The following UNC45B variants were observed in gnomAD, a reference collection of about 807,000 sequenced individuals.
UNC45B encodes protein unc-45 homolog B.
In UNC45B, 78 loss-of-function variants were observed where a neutral mutation model predicts 98.7. That is an observed-to-expected ratio of 0.79 (90% CI 0.66 to 0.95). UNC45B has a LOEUF of 0.95. Among genes scored for constraint, UNC45B ranks in the 40% least tolerant of loss-of-function variants. The pLI is 0.00. For synonymous variants in UNC45B, 462 were observed against 480.4 expected (o/e 0.96, Z 0.50); for missense variants, 1,225 against 1,184.9 (o/e 1.03, Z -0.50).
intron 14 of UNC45B, among the ~76,000 whole-genome samples, chr17:35,175,012 A>G (rs1322736083): frequency 6.9e-6 from 1 of 145,602 alleles, no homozygotes; most frequent in African/African-American, 2.6e-5. Flanking sequence ...GAAGAAAGAA[A>G]GGAGGGAAGG....
At chr17:35,181,562 G>A (rs1476325283) in intron 18 of UNC45B, among the ~76,000 whole-genome samples, 1 of 152,152 alleles carries the variant, frequency 6.6e-6, no homozygotes, top group Non-Finnish European at 1.5e-5. Flanking sequence ...AGGCTGAGGT[G>A]GATGCGTCAC....
intron 8 of UNC45B, among the ~76,000 whole-genome samples, chr17:35,161,736 C>A (rs1264740798): frequency 6.6e-6 from 1 of 152,140 alleles, no homozygotes; most frequent in Non-Finnish European, 1.5e-5. Flanking sequence ...CCCTAGATAA[C>A]CTCAGAATGT....
At chr17:35,183,613 TGGGTGG>T in intron 19 of UNC45B, 31 bp downstream of exon 19, 2 of 1,476,050 alleles carry the variant, frequency 1.4e-6, no homozygotes, top group Non-Finnish European at 1.8e-6. Context: ...TAGGACGGGC[TGGGTGG>T]CTCCAGGGAA....
Position 35,154,574 on chromosome 17 carries a change from G to C in UNC45B, c.472G>C (p.Ala158Pro). The C allele has an allele frequency of 6.2e-7, 1 of 1,612,268 alleles. No individual in the cohort carries two copies. The highest frequency in any genetic ancestry group is 8.5e-7 in the Non-Finnish European group (1 of 1,179,350). The change falls in exon 6 of 20, where the codon GCT (alanine) becomes CCT (proline). Residue 158 changes from alanine to proline, a missense_variant and splice_region_variant. Transcript: ENST00000394570. ...ENSEADKREK[A>P]ANNLIVLGRE... is the part of the protein sequence containing the mutation. Reference sequence around the variant, plus strand: ...CCCTTATTGCCTCTTCCTCCTTCAGGCTGCCAACAATCTCATTGTCCTAGG... The same window carrying C: ...CCCTTATTGCCTCTTCCTCCTTCAGCCTGCCAACAATCTCATTGTCCTAGG...
chr17:35,170,729 G>A (rs950627656), intron 12 of UNC45B, among the ~76,000 whole-genome samples: 3 of 152,014 alleles, frequency 2.0e-5, no homozygotes, highest in Non-Finnish European at 2.9e-5. Flanking sequence ...CCAGCTACTC[G>A]GGAGGCTGAG....
In UNC45B at chr17:35,189,311, A is replaced by T. The variant is rs1231488305; in HGVS notation, c.*2752A>T. On this transcript the variant is annotated 3_prime_UTR_variant, in exon 20 of 20. Coordinates refer to ENST00000394570, the MANE Select transcript of UNC45B (RefSeq NM_001267052.2). ...GACTCTTAGTCTTCTCATTTGTGAAAGGTAAATAATAAAGAATTTCTGTTC... is the reference window on the plus strand; with the variant it reads ...GACTCTTAGTCTTCTCATTTGTGAATGGTAAATAATAAAGAATTTCTGTTC... 6.6e-6 allele frequency: 1 copy of T among 152,204 alleles called. No individual in the cohort carries two copies. Among genetic ancestry groups the T allele is most frequent in the African/African-American group, 2.4e-5 (1 of 41,446 alleles). The allele number at this position is 152,204 out of a possible 1,614,324, so 9.4% of individuals were successfully genotyped here.
intron 10 of UNC45B, among the ~76,000 whole-genome samples, chr17:35,168,583 G>A (rs1252099811): frequency 6.6e-6 from 1 of 152,134 alleles, no homozygotes; most frequent in Non-Finnish European, 1.5e-5. Context: ...GAGGACGTTC[G>A]TCTCCCTGCT....
chr17:35,163,955 C>A lies in UNC45B; in HGVS notation c.980-40C>A, dbSNP rs200248455. 4 of 1,559,452 alleles carry A rather than the reference C, an allele frequency of 2.6e-6. No homozygotes were observed. In the South Asian group the frequency reaches 4.9e-5, roughly 19 times the overall value. On this transcript the variant is annotated intron_variant, in intron 8 of 19. Coordinates refer to ENST00000394570, the MANE Select transcript of UNC45B (RefSeq NM_001267052.2). Reference sequence around the variant, plus strand: ...GTGAGGGGTGTGTGTGAGGATGGAGCCCAGCAGGAATCTTAGGCTTGCCAC... The same window carrying A: ...GTGAGGGGTGTGTGTGAGGATGGAGACCAGCAGGAATCTTAGGCTTGCCAC...
In UNC45B at chr17:35,155,312, A is replaced by C. The variant is rs2092051462; in HGVS notation, c.656A>C (p.His219Pro). 2 of 1,614,082 alleles carry C rather than the reference A, an allele frequency of 1.2e-6. No individual in the cohort carries two copies. The highest frequency in any genetic ancestry group is 1.3e-5 in the African/African-American group (1 of 75,068). ...GHQARATVIL[H>P]AVRIDRICSL... ...GGGTTCTAGGCCACAGTGATTCTGC[A>C]TGCAGTGCGGATAGACCGAATCTGT... Residue 219 changes from histidine to proline, a missense_variant, in exon 7 of 20, where the codon CAT becomes CCT. Coordinates refer to ENST00000394570, the MANE Select transcript of UNC45B (RefSeq NM_001267052.2).
intron 17 of UNC45B, among the ~76,000 whole-genome samples, chr17:35,180,286 G>GAGAGAGAGAGAGAGAGAC (rs943283439): frequency 6.8e-6 from 1 of 147,140 alleles, no homozygotes; most frequent in African/African-American, 2.5e-5. Flanking sequence ...GAGAGAGAGA[G>GAGAGAGAGAGAGAGAGAC]AGAATTTCTT....
At chr17:35,149,932 T>A (rs2092004206) in intron 3 of UNC45B, 116 bp from the exon 4 acceptor site, 2 of 1,111,718 alleles carry the variant, frequency 1.8e-6, no homozygotes, top group South Asian at 1.8e-5. Context: ...GGATGGATAA[T>A]CTCCAAGGAA....
chr17:35,164,867 C>T (rs2092127076), intron 9 of UNC45B, among the ~76,000 whole-genome samples: 1 of 151,578 alleles, frequency 6.6e-6, no homozygotes. Context: ...GGACTACAGG[C>T]ACTTGCCACC....
rs749297937 is a variant in UNC45B at position 35,186,461 on chromosome 17, A to G, written c.2692A>G (p.Lys898Glu). 3 of 1,614,254 alleles carry G rather than the reference A, an allele frequency of 1.9e-6. No homozygotes were observed. In the Admixed American group the frequency reaches 5.0e-5, roughly 27 times the overall value. ...ELLEILTVVG[K>E]QEPDEKKAEV... ...GCTGGAGATCCTGACTGTGGTGGGC[A>G]AACAGGAGCCAGATGAGAAGAAGGC... Residue 898 changes from lysine to glutamate, a missense_variant, in exon 20 of 20, where the codon AAA becomes GAA. By Grantham distance (56) the Lys-to-Glu change is moderately conservative. Transcript: ENST00000394570.
intron 10 of UNC45B, 112 bp downstream of exon 10, chr17:35,168,473 G>A: frequency 2.1e-6 from 2 of 955,212 alleles, no homozygotes; most frequent in Non-Finnish European, 2.8e-6. Context: ...CAGGTTCAAG[G>A]GGGCACCAGA....
At position 35,186,004 on chromosome 17, in the gene UNC45B, A is replaced by T. The variant is rs922667; in HGVS notation, c.2530-295A>T. ...AGGTCTTGTGCTGTGTCATAGCATG[A>T]TTTAGAAGCAGAAGGGGAAGTGTGT... On this transcript the variant is annotated intron_variant, in intron 19 of 19. Coordinates refer to ENST00000394570, the MANE Select transcript of UNC45B (RefSeq NM_001267052.2). 0.092 allele frequency among the ~76,000 whole-genome samples: 14,026 copies of T among 152,128 alleles called. 812 individuals are homozygous for T. The highest frequency in any genetic ancestry group is 0.21 in the East Asian group (1,072 of 5,156).
At chr17:35,170,443 C>G (rs902762609) in intron 12 of UNC45B, among the ~76,000 whole-genome samples, 188 bp downstream of exon 12, 1 of 150,700 alleles carries the variant, frequency 6.6e-6, no homozygotes. Context: ...ACTCCCAATG[C>G]CTTCCAGAGA....
Position 35,158,235 on chromosome 17 carries a change from C to A in UNC45B, c.809-1140C>A, listed in dbSNP as rs555798718. On this transcript the variant is annotated intron_variant, in intron 7 of 19. Coordinates refer to ENST00000394570, the MANE Select transcript of UNC45B (RefSeq NM_001267052.2). The stretch of plus-strand genomic sequence containing the variant: ...ATTATAATGGTCAGCTAGTCACTTT[C>A]CTTTTCTGAGCTAGAATTTTTGGAA... Among the ~76,000 whole-genome samples, 5 of 152,280 alleles carry A rather than the reference C, an allele frequency of 3.3e-5. No homozygotes were observed. In the East Asian group the frequency reaches 7.7e-4, roughly 23 times the overall value.
At position 35,176,925 on chromosome 17, in the gene UNC45B, C is replaced by A. The variant is rs1309828370; in HGVS notation, c.2026-92C>A. 9.3e-6 allele frequency: 9 copies of A among 970,198 alleles called. 1 individual carries two copies. The highest frequency in any genetic ancestry group is 1.3e-5 in the Non-Finnish European group (8 of 627,680). 60.1% of individuals were successfully genotyped at this position (970,198 alleles called of 1,614,324 possible). On this transcript the variant is annotated intron_variant, in intron 15 of 19. Transcript: ENST00000394570. ...TACGGCAGAATTTTCCTGGACCTCC[C>A]ATGGGACAGACAGACAGCACCTGGA...
In UNC45B at chr17:35,170,151, C is replaced by G; in HGVS notation, c.1585C>G (p.Arg529Gly). Residue 529 changes from arginine to glycine, a missense_variant, in exon 12 of 20, where the codon CGC becomes GGC. By Grantham distance (125) the Arg-to-Gly change is moderately radical. Transcript: ENST00000394570. ...TATGTCCATAGACACTCGGACCCGA[C>G]GCTGGGCAGTGGAGGGCCTGGCCTA... ...CNMSIDTRTR[R>G]WAVEGLAYLT... 7 of 1,613,626 alleles carry G rather than the reference C, an allele frequency of 4.3e-6. No homozygotes were observed. Among genetic ancestry groups the G allele is most frequent in the Non-Finnish European group, 5.9e-6 (7 of 1,179,682 alleles).
Sources: allele counts gnomAD v4.1 joint callset (sites outside exome capture counted in the v4.1 genomes callset), GRCh38; gene constraint gnomAD v4.1.1; transcripts MANE v1.5; gene names NCBI Gene and HGNC (gene_info 2026-07-23, HGNC 2026-07-21).